Variants in LRRC74A observed in about 807,000 individuals in gnomAD.
The protein encoded by LRRC74A is leucine-rich repeat-containing protein 74A.
In LRRC74A, 44 loss-of-function variants were observed where a neutral mutation model predicts 57.9. That is an observed-to-expected ratio of 0.76 (90% CI 0.60 to 0.98). LRRC74A has a LOEUF of 0.98. LRRC74A is among the 50% of genes least tolerant of loss of function. LRRC74A has a pLI of 0.00. For synonymous variants in LRRC74A, 211 were observed against 219.4 expected (o/e 0.96, Z 0.34); for missense variants, 572 against 574.0 (o/e 1.00, Z 0.04).
chr14:76,863,012 A>G (rs1035978411), intron 11 of LRRC74A, among the ~76,000 whole-genome samples: 2 of 152,168 alleles, frequency 1.3e-5, no homozygotes, highest in Admixed American at 6.5e-5. Flanking sequence ...AGGGTAAGAA[A>G]AAAGAGTAGG....
intron 5 of LRRC74A, among the ~76,000 whole-genome samples, chr14:76,844,117 G>T (rs1896959210): frequency 6.6e-6 from 1 of 152,146 alleles, no homozygotes; most frequent in African/African-American, 2.4e-5. Flanking sequence ...TCCCACCTCA[G>T]CCTCCAAAGT....
chr14:76,837,886 C>T lies in LRRC74A; in HGVS notation c.459C>T (p.Asn153=). 6.3e-7 allele frequency: 1 copy of T among 1,586,150 alleles called. No individual in the cohort carries two copies. Among genetic ancestry groups the T allele is most frequent in the Non-Finnish European group, 8.6e-7 (1 of 1,163,912 alleles). Residue 153 remains asparagine, a synonymous_variant, in exon 5 of 14, where the codon AAC becomes AAT. Coordinates refer to ENST00000689127, the MANE Select transcript of LRRC74A (RefSeq NM_001385106.1). The part of the protein sequence containing the change: ...NYYLQEMNIS[N]NHLGLEGARI... ...TTCTTGCCTTTTAGAATATTTCCAA[C>T]AATCACCTTGGTTTGGAGGGGGCCA...
At chr14:76,835,178 T>C (rs1896236367) in intron 3 of LRRC74A, among the ~76,000 whole-genome samples, 1 of 152,128 alleles carries the variant, frequency 6.6e-6, no homozygotes, top group Non-Finnish European at 1.5e-5. Flanking sequence ...TCCTTTCCTC[T>C]CTCTCCTCTT....
intron 10 of LRRC74A, among the ~76,000 whole-genome samples, chr14:76,860,350 A>G (rs530812788): frequency 1.3e-5 from 2 of 152,202 alleles, no homozygotes; most frequent in Admixed American, 6.5e-5. Flanking sequence ...TCACGCAGAC[A>G]TGGACATTTC....
chr14:76,866,672 C>G (rs1898823925), intron 12 of LRRC74A, among the ~76,000 whole-genome samples: 1 of 151,922 alleles, frequency 6.6e-6, no homozygotes, highest in Admixed American at 6.6e-5. Context: ...GACTCAGCAG[C>G]AGGAAGTGAG....
intron 4 of LRRC74A, 23 bp from the exon 5 acceptor site, chr14:76,837,852 C>T (rs1336120410): frequency 2.7e-5 from 39 of 1,450,036 alleles, no homozygotes; most frequent in Admixed American, 7.8e-5. Flanking sequence ...TTTTACATAC[C>T]GAAGTGTTTT....
chr14:76,869,944 A>G (rs1016607764), intron 13 of LRRC74A, among the ~76,000 whole-genome samples, 181 bp from the exon 14 acceptor site: 4 of 144,490 alleles, frequency 2.8e-5, no homozygotes, highest in African/African-American at 1.1e-4. Flanking sequence ...GTGTGTGTGC[A>G]CACGCACACA....
chr14:76,833,304 CATT>C (rs1006072228), intron 3 of LRRC74A, among the ~76,000 whole-genome samples: 2 of 152,176 alleles, frequency 1.3e-5, no homozygotes, highest in African/African-American at 4.8e-5. Context: ...AATACACTGT[CATT>C]GTTGGTTGCT....
intron 12 of LRRC74A, among the ~76,000 whole-genome samples, chr14:76,866,417 G>C (rs1397206114): frequency 6.6e-6 from 1 of 152,132 alleles, no homozygotes; most frequent in Non-Finnish European, 1.5e-5. Flanking sequence ...ACATCCCAAA[G>C]TCCCAACATT....
rs536925445 is a variant in LRRC74A at position 76,833,050 on chromosome 14, A to T, written c.339+1675A>T. ...TTTCAGGACTGAGAAATAATTCTTT[A>T]AAAATATTATTTATAAAGGATCTGA... On this transcript the variant is annotated intron_variant, in intron 3 of 13. Transcript: ENST00000689127. Among the ~76,000 whole-genome samples, 313 of 152,302 alleles carry T rather than the reference A, an allele frequency of 2.1e-3. 1 individual carries two copies. The highest frequency in any genetic ancestry group is 7.4e-3 in the African/African-American group (308 of 41,560).
rs1897636478 is a variant in LRRC74A, at chr14:76,853,266, T to G, written c.813T>G (p.Asn271Lys). ...ATCTCTCCATGAATGGCTTTGGGAA[T>G]GAGGTGGCTCTGGCCCTAGGGGAAG... ...KLDLSMNGFGNEVALALGEVL... is the reference protein window; with the variant it reads ...KLDLSMNGFGKEVALALGEVL... The change falls in exon 9 of 14, where the codon AAT becomes AAG. Residue 271 changes from asparagine (N) to lysine (K), a missense_variant. Asn to Lys is a moderately conservative substitution (Grantham distance 94, BLOSUM62 0). Transcript: ENST00000689127. The G allele has an allele frequency of 6.2e-7, 1 of 1,613,554 alleles. No individual in the cohort carries two copies. Among genetic ancestry groups the G allele is most frequent in the South Asian group, 1.1e-5 (1 of 91,066 alleles).
chr14:76,831,068 C>G, intron 2 of LRRC74A, 135 bp from the exon 3 acceptor site: 1 of 833,176 alleles, frequency 1.2e-6, no homozygotes, highest in Non-Finnish European at 1.8e-6. Flanking sequence ...CAGGAGCAGG[C>G]TTCTTAGCAC....
intron 13 of LRRC74A, among the ~76,000 whole-genome samples, chr14:76,869,480 G>A (rs569844525): frequency 0.46 from 507 of 1,098 alleles, no homozygotes; most frequent in Middle Eastern, 0.5. Context: ...CCGGCTGGGC[G>A]CGGTGCTCAC....
At position 76,827,918 on chromosome 14, in the gene LRRC74A, T is replaced by C. The variant is rs921577992; in HGVS notation, c.38-373T>C. Among the ~76,000 whole-genome samples the C allele has an allele frequency of 5.7e-5, 8 of 140,662 alleles. No homozygotes were observed. The Middle Eastern group carries it at 0.017, about 291-fold the overall frequency. The allele number at this position is 140,662 out of a possible 152,430, so 92.3% of individuals were successfully genotyped here. A position where few individuals can be genotyped will look rare whatever the true frequency, so the allele number is the denominator to read the frequency against. On this transcript the variant is annotated intron_variant, in intron 1 of 13. Coordinates refer to ENST00000689127, the MANE Select transcript of LRRC74A (RefSeq NM_001385106.1). ...GTGCCTGACAATAAGGAAGCCTATG[T>C]ATCGGGACCCACCCTTTCACCTGAA... is the stretch of plus-strand genomic sequence containing the variant.
chr14:76,828,345 A>G lies in LRRC74A; in HGVS notation c.92A>G (p.Glu31Gly), dbSNP rs1895726998. The G allele has an allele frequency of 1.9e-6, 3 of 1,613,554 alleles. No individual in the cohort carries two copies. The highest frequency in any genetic ancestry group is 2.5e-6 in the Non-Finnish European group (3 of 1,179,480). ...RQSSDKMLYCEAESPPTVEKV... is the reference protein window; with the variant it reads ...RQSSDKMLYCGAESPPTVEKV... The stretch of plus-strand genomic sequence containing the variant: ...AGCAGCGATAAAATGCTCTACTGTG[A>G]GGCCGAATCCCCGCCGACTGTTGAA... Residue 31 changes from glutamate to glycine, a missense_variant, in exon 2 of 14, where the codon GAG becomes GGG. Physicochemically the swap from Glu to Gly is moderately conservative, Grantham distance 98. Coordinates refer to ENST00000689127, the MANE Select transcript of LRRC74A (RefSeq NM_001385106.1).
rs559441817 is a variant in LRRC74A, at chr14:76,868,786, G to A, written c.1392-1339G>A. ...TCAGCGTCGTCCACGTGGAGAAACC[G>A]CGATGCAGACAAGAAAGGCAGCCAG... is the stretch of plus-strand genomic sequence containing the variant. On this transcript the variant is annotated intron_variant, in intron 13 of 13. Transcript: ENST00000689127. Among the ~76,000 whole-genome samples, 252 of 152,342 alleles carry A rather than the reference G, an allele frequency of 1.7e-3. 1 individual carries two copies. The highest frequency in any genetic ancestry group is 2.7e-3 in the Non-Finnish European group (183 of 68,034).
At chr14:76,845,863 A>T (rs1897087928) in intron 7 of LRRC74A, among the ~76,000 whole-genome samples, 1 of 152,194 alleles carries the variant, frequency 6.6e-6, no homozygotes, top group Non-Finnish European at 1.5e-5. Context: ...TACTAAAAAT[A>T]CAAAATTAGC....
intron 8 of LRRC74A, 62 bp downstream of exon 8, chr14:76,852,512 C>A (rs1479481998): frequency 1.5e-6 from 2 of 1,306,670 alleles, no homozygotes; most frequent in Admixed American, 4.1e-5. Flanking sequence ...GCCTCCCATC[C>A]TGCCATCCTA....
chr14:76,860,929 C>G, intron 11 of LRRC74A, 90 bp downstream of exon 11: 5 of 1,246,046 alleles, frequency 4.0e-6, no homozygotes, highest in Non-Finnish European at 5.6e-6. Context: ...TTCTCCCTCC[C>G]CACAGTGTCT....
Sources: gnomAD v4.1 joint callset for allele counts (sites outside exome capture counted in the v4.1 genomes callset) on GRCh38, gnomAD v4.1.1 for gene constraint, MANE v1.5 for transcripts, NCBI Gene and HGNC (gene_info 2026-07-23, HGNC 2026-07-21) for gene names.